Variants in PPL observed in about 807,000 individuals in gnomAD.
PPL encodes the protein 190 kDa paraneoplastic pemphigus antigen.
In PPL, 198 loss-of-function variants were observed where a neutral mutation model predicts 194.4. That is an observed-to-expected ratio of 1.02 (90% CI 0.91 to 1.15). The LOEUF (loss-of-function observed/expected upper bound fraction) is 1.15, where lower values mean the gene tolerates loss of function less well. PPL is among the 50% of genes most tolerant of loss of function. The pLI is 0.00. For missense variants in PPL, 2,885 were observed against 2,294.8 expected (o/e 1.26, Z -5.25); for synonymous variants, 1,220 against 972.4 (o/e 1.25, Z -4.74).
chr16:4,887,258 A>G (rs1371763771), intron 20 of PPL, 31 bp from the exon 21 acceptor site: 2 of 1,520,936 alleles, frequency 1.3e-6, no homozygotes, highest in East Asian at 4.5e-5. Context: ...AGAGCGGTCA[A>G]CAAACAGGTG....
At chr16:4,932,923 C>G (rs889580255) in intron 1 of PPL, among the ~76,000 whole-genome samples, 1 of 152,066 alleles carries the variant, frequency 6.6e-6, no homozygotes, top group African/African-American at 2.4e-5. Context: ...AAGTGACTTG[C>G]CCAAGATCAA....
In PPL at chr16:4,893,275, G is replaced by A. The variant is rs780743831; in HGVS notation, c.1588C>T (p.Arg530Trp). 9 of 1,599,590 alleles carry A rather than the reference G, an allele frequency of 5.6e-6. No homozygotes were observed. The highest frequency in any genetic ancestry group is 2.7e-5 in the African/African-American group (2 of 74,816). The change falls in exon 14 of 22, where the codon CGG becomes TGG. Residue 530 changes from arginine (R) to tryptophan (W), a missense_variant. By Grantham distance (101) the Arg-to-Trp change is moderately radical. Transcript: ENST00000345988. ...RQEKAITGILRPPLEQGRAVQ... is the reference protein window; with the variant it reads ...RQEKAITGILWPPLEQGRAVQ... The stretch of plus-strand genomic sequence containing the variant: ...GCCCGGCCTTGCTCCAGTGGTGGCC[G>A]CAGGATCCCTGTGATGGCCTTCTCC...
chr16:4,883,324 G>C lies in PPL; in HGVS notation c.*60C>G, dbSNP rs1166175756. ...CAAGGGAGAGGACGACACCAAGGAG[G>C]TCACTGCGTCGTAGGAGAGGGCCAG... On this transcript the variant is annotated 3_prime_UTR_variant, in exon 22 of 22. Transcript: ENST00000345988. This position sits in a 1 kb window ranked among gnomAD's most constrained non-coding sequence, Gnocchi z 4.8. 6.2e-7 allele frequency: 1 copy of C among 1,602,920 alleles called. No individual in the cohort carries two copies. The highest frequency in any genetic ancestry group is 8.5e-7 in the Non-Finnish European group (1 of 1,177,478).
At chr16:4,901,150 C>T (rs956928049) in intron 4 of PPL, 61 bp from the exon 5 acceptor site, 9 of 1,586,710 alleles carry the variant, frequency 5.7e-6, no homozygotes, top group Non-Finnish European at 7.7e-6. Flanking sequence ...GGACGTGTGG[C>T]CACCCCAGGA....
At chr16:4,911,844 T>C (rs2088826062) in intron 1 of PPL, among the ~76,000 whole-genome samples, 1 of 152,136 alleles carries the variant, frequency 6.6e-6, no homozygotes, top group East Asian at 1.9e-4. Flanking sequence ...CGACTACATA[T>C]TTTTTTGTGA....
Position 4,894,495 on chromosome 16 carries a change from C to G in PPL, c.1366G>C (p.Asp456His), listed in dbSNP as rs1172682806. The G allele has an allele frequency of 6.2e-7, 1 of 1,613,920 alleles. No individual in the cohort carries two copies. The highest frequency in any genetic ancestry group is 1.3e-5 in the African/African-American group (1 of 75,058). Residue 456 changes from aspartate (D) to histidine (H), a missense_variant, in exon 12 of 22, where the codon GAC becomes CAC. Asp to His is a moderately conservative substitution (Grantham distance 81). Coordinates refer to ENST00000345988, the MANE Select transcript of PPL (RefSeq NM_002705.5). ...PAVCFVIPPT[D>H]PEALALADSL... ...TCAGCCAGAGCCAGGGCCTCAGGGT[C>G]TGTGGGGGGGATCACAAAACACACG...
intron 1 of PPL, among the ~76,000 whole-genome samples, chr16:4,913,640 T>C (rs1468367413): frequency 6.6e-6 from 1 of 152,196 alleles, no homozygotes; most frequent in Non-Finnish European, 1.5e-5. Context: ...TGGGGTCAAG[T>C]GATTCGGCTG....
intron 1 of PPL, among the ~76,000 whole-genome samples, chr16:4,934,041 G>A (rs1823469968): frequency 6.6e-6 from 1 of 152,354 alleles, no homozygotes; most frequent in African/African-American, 2.4e-5. Flanking sequence ...AACAGGCTCA[G>A]AGAAGCCAAG....
rs1489672783 is a variant in PPL at position 4,892,204 on chromosome 16, TG to T, written c.1659del (p.Asn554ThrfsTer33). 6.2e-7 allele frequency: 1 copy of T among 1,611,806 alleles called. No homozygotes were observed. The highest frequency in any genetic ancestry group is 2.2e-5 in the East Asian group (1 of 44,802). ...TCAGGTTCAATCCGCAGTAGCTCGT[TG>T]GTGATGTTCTGTGGGAACCAGGGCC... Reference protein sequence around the residue: ...AERAKDLKNITNELLRIEPEK... With the variant: ...AERAKDLKNIXNELLRIEPEK... On this transcript the variant is annotated frameshift_variant, in exon 15 of 22. Coordinates refer to ENST00000345988, the MANE Select transcript of PPL (RefSeq NM_002705.5). LOFTEE classifies it high-confidence loss of function.
At chr16:4,920,547 T>A (rs2089029452) in intron 1 of PPL, among the ~76,000 whole-genome samples, 1 of 152,054 alleles carries the variant, frequency 6.6e-6, no homozygotes, top group South Asian at 2.1e-4. Flanking sequence ...CACTGCAACC[T>A]CCGTCTCTGG....
intron 2 of PPL, among the ~76,000 whole-genome samples, chr16:4,905,161 C>T (rs564203063): frequency 3.9e-5 from 6 of 152,232 alleles, no homozygotes; most frequent in Non-Finnish European, 7.4e-5. Context: ...GAGCCGGCCG[C>T]CGGTCCCTTC....
intron 9 of PPL, among the ~76,000 whole-genome samples, chr16:4,896,645 T>C (rs535503785): frequency 7.6e-4 from 115 of 150,978 alleles, no homozygotes; most frequent in Non-Finnish European, 1.4e-3. Context: ...GGTTGTTTTT[T>C]TTTTTTTTTT....
At chr16:4,891,589 T>C (rs1024434006) in intron 16 of PPL, 8 of 533,486 alleles carry the variant, frequency 1.5e-5, no homozygotes, top group African/African-American at 1.2e-4. Flanking sequence ...TTGCAGATAT[T>C]TGATCTTAAA....
intron 11 of PPL, 24 bp downstream of exon 11, chr16:4,895,231 GATGTGA>G: frequency 6.3e-6 from 10 of 1,577,016 alleles, no homozygotes; most frequent in Non-Finnish European, 8.6e-6. Context: ...ACTTTGTAGT[GATGTGA>G]ACAGAGGAGC....
Position 4,902,365 on chromosome 16 carries a change from C to A in PPL, c.438+41G>T. On this transcript the variant is annotated intron_variant, in intron 4 of 21. Transcript: ENST00000345988. The surrounding 1 kb of genome is among the most constrained non-coding windows in gnomAD (Gnocchi z 4.0). ...CCCTGCACACGCACAGCCCCCTCCCCAGCTGAAACCCTGGAGCCAGCGGCC... is the reference window on the plus strand; with the variant it reads ...CCCTGCACACGCACAGCCCCCTCCCAAGCTGAAACCCTGGAGCCAGCGGCC... 6.2e-7 allele frequency: 1 copy of A among 1,610,328 alleles called. No homozygotes were observed. Among genetic ancestry groups the A allele is most frequent in the Non-Finnish European group, 8.5e-7 (1 of 1,178,030 alleles).
rs2088192020 is a variant in PPL, at chr16:4,885,178, C to T, written c.3477G>A (p.Trp1159Ter). The change falls in exon 22 of 22, where the codon TGG (tryptophan) becomes TGA (stop). Residue 1159 changes from tryptophan to a stop codon, truncating the protein, a stop_gained. Coordinates refer to ENST00000345988, the MANE Select transcript of PPL (RefSeq NM_002705.5). LOFTEE classifies it high-confidence loss of function. The surrounding 1 kb of genome is among the most constrained non-coding windows in gnomAD (Gnocchi z 6.3). ...REKTELLRKI[W>*]ALEEENAKVV... ...CTTTGGCGTTCTCCTCCTCCAAGGC[C>T]CATATCTTTCGGAGCAGCTCCGTCT... 1.2e-6 allele frequency: 2 copies of T among 1,614,006 alleles called. No homozygotes were observed. Among genetic ancestry groups the T allele is most frequent in the South Asian group, 2.2e-5 (2 of 91,094 alleles).
chr16:4,928,366 G>A (rs1452253293), intron 1 of PPL, among the ~76,000 whole-genome samples: 1 of 152,244 alleles, frequency 6.6e-6, no homozygotes, highest in South Asian at 2.1e-4. Flanking sequence ...ACTGTGCCCG[G>A]CCATCTCAGC....
intron 1 of PPL, among the ~76,000 whole-genome samples, chr16:4,920,517 G>A (rs1316616200): frequency 6.6e-6 from 1 of 151,910 alleles, no homozygotes; most frequent in Non-Finnish European, 1.5e-5. Flanking sequence ...AGGCTGCAGT[G>A]CAGTGGCAAA....
chr16:4,913,104 G>C (rs559087292), intron 1 of PPL, among the ~76,000 whole-genome samples: 1 of 141,648 alleles, frequency 7.1e-6, no homozygotes, highest in Admixed American at 7.1e-5. Flanking sequence ...ACTCCATCTC[G>C]AAAAAAAAAA....
Sources: allele counts gnomAD v4.1 joint callset (sites outside exome capture counted in the v4.1 genomes callset), GRCh38; gene constraint gnomAD v4.1.1; non-coding constraint Gnocchi (gnomAD v3.1); transcripts MANE v1.5; gene names NCBI Gene and HGNC (gene_info 2026-07-23, HGNC 2026-07-21).